The following CEP126 variants were observed in gnomAD, a reference collection of about 807,000 sequenced individuals.
The protein encoded by CEP126 is centrosomal protein of 126 kDa.
In CEP126, 74 loss-of-function variants were observed where a neutral mutation model predicts 107.8. That is an observed-to-expected ratio of 0.69 (90% CI 0.57 to 0.83). CEP126 has a LOEUF of 0.83. Ranked by LOEUF, CEP126 falls within the 40% of genes least tolerant of loss-of-function variation. The pLI, the probability that CEP126 is intolerant of heterozygous loss-of-function variation, is 0.00. For missense variants in CEP126, 1,237 were observed against 1,281.9 expected (o/e 0.96, Z 0.53); for synonymous variants, 449 against 446.0 (o/e 1.01, Z -0.08).
intron 2 of CEP126, among the ~76,000 whole-genome samples, chr11:101,926,279 T>C (rs1223121673): frequency 2.6e-5 from 4 of 151,970 alleles, no homozygotes; most frequent in African/African-American, 9.7e-5. Context: ...AACCAAGAGT[T>C]AGCCAGGGAA....
intron 2 of CEP126, among the ~76,000 whole-genome samples, chr11:101,926,620 A>G (rs1717159090): frequency 6.6e-6 from 1 of 152,232 alleles, no homozygotes; most frequent in Admixed American, 6.5e-5. Context: ...GTTCTAGGCA[A>G]GAAGATGGCT....
intron 7 of CEP126, among the ~76,000 whole-genome samples, chr11:101,979,394 G>C (rs1042327912): frequency 1.6e-4 from 25 of 152,142 alleles, no homozygotes; most frequent in African/African-American, 5.8e-4. Context: ...AATGAATAAA[G>C]AGTTTAATAT....
At chr11:101,939,409 A>C (rs1212884770) in intron 2 of CEP126, among the ~76,000 whole-genome samples, 1 of 152,206 alleles carries the variant, frequency 6.6e-6, no homozygotes, top group African/African-American at 2.4e-5. Context: ...ATTAATATAC[A>C]TAGTCAAAAA....
At chr11:101,951,243 C>G (rs1940808452) in intron 4 of CEP126, among the ~76,000 whole-genome samples, 1 of 152,092 alleles carries the variant, frequency 6.6e-6, no homozygotes, top group African/African-American at 2.4e-5. Flanking sequence ...GTGGCCCACA[C>G]CTGTAATTTC....
rs182881781 is a variant in CEP126, at chr11:101,950,834, A to G, written c.506+2692A>G. 1.4e-4 allele frequency among the ~76,000 whole-genome samples: 22 copies of G among 152,324 alleles called. No homozygotes were observed. In the East Asian group the frequency reaches 3.5e-3, roughly 24 times the overall value. On this transcript the variant is annotated intron_variant, in intron 4 of 10. Transcript: ENST00000263468. ...TCAGATGTAAAATGTTTGTATGTCT[A>G]GCAAGTGAGTGTGAACTTTATCCTG...
chr11:101,924,865 GTT>G (rs1232350214), intron 2 of CEP126, among the ~76,000 whole-genome samples: 1 of 152,100 alleles, frequency 6.6e-6, no homozygotes, highest in Admixed American at 6.5e-5. Flanking sequence ...AAAGGAAAAT[GTT>G]CCTAGCATCA....
chr11:101,915,505 T>G, intron 1 of CEP126, 93 bp downstream of exon 1: 1 of 1,465,596 alleles, frequency 6.8e-7, no homozygotes, highest in Non-Finnish European at 9.2e-7. Context: ...TGACGCAGGG[T>G]GATCAAAACT....
At chr11:101,986,704 G>T in intron 8 of CEP126, 128 bp from the exon 9 acceptor site, 1 of 596,824 alleles carries the variant, frequency 1.7e-6, no homozygotes, top group South Asian at 2.5e-5. Context: ...GCAGATATTT[G>T]CTAGGTTTCT....
At chr11:101,964,096 A>C (rs961323235) in intron 6 of CEP126, among the ~76,000 whole-genome samples, 3 of 145,838 alleles carry the variant, frequency 2.1e-5, no homozygotes, top group African/African-American at 7.7e-5. Flanking sequence ...ACTTGAGGCC[A>C]GGAGTTCAAG....
intron 8 of CEP126, among the ~76,000 whole-genome samples, chr11:101,984,891 A>G (rs1365030568): frequency 6.6e-6 from 1 of 152,212 alleles, no homozygotes; most frequent in Admixed American, 6.5e-5. Context: ...AATGTAACAT[A>G]ATACCTAAGA....
Position 101,915,149 on chromosome 11 carries a change from G to A in CEP126, c.-136G>A, listed in dbSNP as rs756252505. 12 of 1,367,160 alleles carry A rather than the reference G, an allele frequency of 8.8e-6. No individual in the cohort carries two copies. Among genetic ancestry groups the A allele is most frequent in the Non-Finnish European group, 1.0e-5 (10 of 1,003,420 alleles). 84.7% of individuals were successfully genotyped at this position (1,367,160 alleles called of 1,614,324 possible). ...GCTGCGCGGGAGCTAGGGCTGTCGA[G>A]GCCAACCCTTCCGCGCCCGTGACGC... On this transcript the variant is annotated 5_prime_UTR_variant, in exon 1 of 11. Coordinates refer to ENST00000263468, the MANE Select transcript of CEP126 (RefSeq NM_020802.4).
intron 10 of CEP126, among the ~76,000 whole-genome samples, chr11:101,994,711 GAAT>G (rs1422264922): frequency 6.6e-6 from 1 of 152,102 alleles, no homozygotes; most frequent in African/African-American, 2.4e-5. Flanking sequence ...GCTATCTACA[GAAT>G]ATAAACATTT....
chr11:101,945,848 T>C (rs1940727845), intron 3 of CEP126, among the ~76,000 whole-genome samples: 1 of 152,036 alleles, frequency 6.6e-6, no homozygotes. Flanking sequence ...GTCTGAAAAA[T>C]AGCTTTTTTA....
intron 2 of CEP126, among the ~76,000 whole-genome samples, chr11:101,942,273 T>G (rs1280329057): frequency 6.6e-6 from 1 of 152,144 alleles, no homozygotes; most frequent in African/African-American, 2.4e-5. Flanking sequence ...TATTTGGATA[T>G]TTGATCCACT....
chr11:101,928,025 G>T (rs200482067), intron 2 of CEP126, among the ~76,000 whole-genome samples: 5 of 152,142 alleles, frequency 3.3e-5, no homozygotes, highest in Non-Finnish European at 7.4e-5. Context: ...ATCCTCACTA[G>T]CATTTGGTAT....
chr11:101,994,578 T>G (rs1008465111), intron 10 of CEP126, among the ~76,000 whole-genome samples: 2 of 152,198 alleles, frequency 1.3e-5, no homozygotes, highest in African/African-American at 4.8e-5. Context: ...GCTTCAATCT[T>G]CTGCACATGG....
Position 101,938,169 on chromosome 11 carries a change from A to AAAAAAAAAAAAAAAAAAAAAAAC in CEP126, c.249-6089_249-6088insAAAAAAAAAAAAAAACAAAAAAA, listed in dbSNP as rs1565353082. 4.2e-5 allele frequency among the ~76,000 whole-genome samples: 6 copies of AAAAAAAAAAAAAAAAAAAAAAAC among 143,940 alleles called. 1 individual carries two copies. Among genetic ancestry groups the AAAAAAAAAAAAAAAAAAAAAAAC allele is most frequent in the African/African-American group, 1.5e-4 (6 of 38,854 alleles). The allele number at this position is 143,940 out of a possible 152,430, so 94.4% of individuals were successfully genotyped here. The stretch of plus-strand genomic sequence containing the variant: ...AGCGAGACTCTGTCTCAAAAAAAAA[A>AAAAAAAAAAAAAAAAAAAAAAAC]AAAAAAATACAAGAAATTGGTCCAT... On this transcript the variant is annotated intron_variant, in intron 2 of 10. Transcript: ENST00000263468.
intron 10 of CEP126, among the ~76,000 whole-genome samples, chr11:101,994,766 G>C (rs914029480): frequency 6.6e-6 from 1 of 152,080 alleles, no homozygotes; most frequent in Non-Finnish European, 1.5e-5. Context: ...AGCAGAAACA[G>C]GTATTAGTGT....
intron 4 of CEP126, among the ~76,000 whole-genome samples, chr11:101,948,873 T>TA (rs1379495188): frequency 1.3e-5 from 2 of 152,172 alleles, no homozygotes; most frequent in African/African-American, 2.4e-5. Context: ...TTTATATAAA[T>TA]ACGTCCACAA....
Sources: allele counts gnomAD v4.1 joint callset (sites outside exome capture counted in the v4.1 genomes callset), GRCh38; gene constraint gnomAD v4.1.1; transcripts MANE v1.5; gene names NCBI Gene and HGNC (gene_info 2026-07-23, HGNC 2026-07-21).